LARGE1: variants seen among roughly 807,000 people sequenced by gnomAD.
LARGE1 encodes the protein xylosyl- and glucuronyltransferase LARGE1.
In LARGE1, 43 loss-of-function variants were observed where a neutral mutation model predicts 87.6. The observed-to-expected ratio is 0.49, with a 90% confidence interval of 0.38 to 0.63. LARGE1 has a LOEUF of 0.63. Ranked by LOEUF, LARGE1 falls within the 30% of genes least tolerant of loss-of-function variation. The pLI is 0.00. For missense variants in LARGE1, 802 were observed against 1,000.2 expected (o/e 0.80, Z 2.67); for synonymous variants, 434 against 394.6 (o/e 1.10, Z -1.18).
intron 9 of LARGE1, among the ~76,000 whole-genome samples, chr22:33,346,454 C>T (rs965944195): frequency 4.6e-5 from 7 of 152,220 alleles, no homozygotes; most frequent in South Asian, 4.2e-4. Flanking sequence ...AGGCATGCGC[C>T]GCCACGCCTG....
intron 1 of LARGE1, among the ~76,000 whole-genome samples, chr22:33,885,810 C>T (rs2064828052): frequency 6.6e-6 from 1 of 152,108 alleles, no homozygotes; most frequent in African/African-American, 2.4e-5. Context: ...GCAGGTGGAT[C>T]ACTTAAGGCC....
rs143275813 is a variant in LARGE1, at chr22:33,858,634, G to A, written c.-83+61361C>T. 6.8e-3 allele frequency among the ~76,000 whole-genome samples: 1,039 copies of A among 152,288 alleles called. 4 individuals carry two copies. The highest frequency in any genetic ancestry group is 0.043 in the South Asian group (205 of 4,822). On this transcript the variant is annotated intron_variant, in intron 1 of 14. Coordinates refer to ENST00000397394, the MANE Select transcript of LARGE1 (RefSeq NM_133642.5). The stretch of plus-strand genomic sequence containing the variant: ...GTGGATGCGGTCACCTTCCCAGCTA[G>A]GCTTAGGGATTCTTAGTTGGCCTAG...
At chr22:33,421,084 G>A (rs1036422375) in intron 7 of LARGE1, among the ~76,000 whole-genome samples, 10 of 152,156 alleles carry the variant, frequency 6.6e-5, no homozygotes, top group Non-Finnish European at 1.0e-4. Flanking sequence ...AGGTACTTGG[G>A]AGGCTGAGGT....
intron 5 of LARGE1, among the ~76,000 whole-genome samples, chr22:33,576,814 T>C (rs2078367226): frequency 6.6e-6 from 1 of 152,184 alleles, no homozygotes; most frequent in African/African-American, 2.4e-5. Flanking sequence ...GAGTGCTTAT[T>C]AATACCTAAT....
chr22:33,332,765 G>C (rs1465740381), intron 10 of LARGE1, among the ~76,000 whole-genome samples: 1 of 152,204 alleles, frequency 6.6e-6, no homozygotes, highest in African/African-American at 2.4e-5. Flanking sequence ...CTGTGGTTCA[G>C]GAGTGCAATG....
chr22:33,878,125 A>ATTTTTTTTT (rs1601836110), intron 1 of LARGE1, among the ~76,000 whole-genome samples: 4 of 51,236 alleles, frequency 7.8e-5, no homozygotes, highest in African/African-American at 1.4e-4. Flanking sequence ...TTTATATTGT[A>ATTTTTTTTT]TTTCTTTTTT....
intron 1 of LARGE1, among the ~76,000 whole-genome samples, chr22:33,796,228 TACATCCATAC>T (rs2085976435): frequency 6.6e-6 from 1 of 152,242 alleles, no homozygotes; most frequent in Non-Finnish European, 1.5e-5. Flanking sequence ...TACTCGGGTA[TACATCCATAC>T]ACATACATAC....
At chr22:33,676,372 C>CAAAAAAAAAAAAAAAAAAAAAA (rs10567981) in intron 2 of LARGE1, among the ~76,000 whole-genome samples, 2 of 16,304 alleles carry the variant, frequency 1.2e-4, no homozygotes, top group African/African-American at 1.5e-4. Flanking sequence ...GATTCAATGG[C>CAAAAAAAAAAAAAAAAAAAAAA]AAAAAAAAAA....
At chr22:33,765,447 T>C (rs1490023811) in intron 1 of LARGE1, among the ~76,000 whole-genome samples, 1 of 152,128 alleles carries the variant, frequency 6.6e-6, no homozygotes, top group Non-Finnish European at 1.5e-5. Flanking sequence ...CTCACACCTG[T>C]AATCCCAGCA....
chr22:33,440,503 C>T (rs2067427578), intron 6 of LARGE1, among the ~76,000 whole-genome samples: 1 of 152,194 alleles, frequency 6.6e-6, no homozygotes, highest in East Asian at 1.9e-4. Context: ...AGAGGCTGCC[C>T]TGACTGTCAG....
At chr22:33,324,169 C>A (rs898252793) in intron 10 of LARGE1, among the ~76,000 whole-genome samples, 43 of 121,084 alleles carry the variant, frequency 3.6e-4, no homozygotes, top group Middle Eastern at 7.1e-3. Flanking sequence ...GTGGAGGTTG[C>A]AGTAAGCTGA....
intron 2 of LARGE1, among the ~76,000 whole-genome samples, chr22:33,709,980 A>G (rs1425669078): frequency 1.5e-4 from 9 of 58,176 alleles, no homozygotes; most frequent in Admixed American, 8.7e-4. Context: ...TGCTAGGCAG[A>G]AAAAAAAAAA....
At position 33,432,282 on chromosome 22, in the gene LARGE1, A is replaced by G. The variant is rs764260251; in HGVS notation, c.788-17T>C. The G allele has an allele frequency of 7.5e-6, 12 of 1,593,240 alleles. No individual in the cohort carries two copies. In the Admixed American group the frequency reaches 2.0e-4, roughly 27 times the overall value. The stretch of plus-strand genomic sequence containing the variant: ...CTTGCTGACCTGTGAGGTACAGAGA[A>G]TACAAACATCTTAAAAGGAGAAGCC... On this transcript the variant is annotated splice_polypyrimidine_tract_variant and intron_variant, in intron 6 of 14. Transcript: ENST00000397394.
chr22:33,113,894 G>A, the LARGE1 span, among the ~76,000 whole-genome samples: 10 of 150,184 alleles, frequency 6.7e-5, no homozygotes, highest in African/African-American at 2.0e-4. Flanking sequence ...TTTTTGAGAC[G>A]GAGTCTCGCT....
At chr22:33,846,073 T>G (rs1054344155) in intron 1 of LARGE1, among the ~76,000 whole-genome samples, 8 of 152,178 alleles carry the variant, frequency 5.3e-5, no homozygotes, top group African/African-American at 1.9e-4. Flanking sequence ...CGTCTCTGTT[T>G]GTCATTTAAC....
intron 2 of LARGE1, among the ~76,000 whole-genome samples, chr22:33,761,057 C>T (rs989626936): frequency 1.3e-5 from 2 of 152,158 alleles, no homozygotes; most frequent in Non-Finnish European, 2.9e-5. Context: ...CATATGGCTC[C>T]ATGAATAGCT....
At chr22:33,397,462 T>C (rs1384043706) in intron 7 of LARGE1, among the ~76,000 whole-genome samples, 1 of 152,224 alleles carries the variant, frequency 6.6e-6, no homozygotes, top group East Asian at 1.9e-4. Flanking sequence ...ATTTCTGAGC[T>C]TTATATGCTT....
the LARGE1 span, among the ~76,000 whole-genome samples, chr22:33,097,674 T>C: frequency 6.6e-6 from 1 of 152,214 alleles, no homozygotes; most frequent in Non-Finnish European, 1.5e-5. Flanking sequence ...AAGAGACCTT[T>C]GTTATCCCAA....
intron 6 of LARGE1, among the ~76,000 whole-genome samples, chr22:33,551,324 G>A (rs2077516484): frequency 6.6e-6 from 1 of 152,146 alleles, no homozygotes; most frequent in Non-Finnish European, 1.5e-5. Flanking sequence ...GATAAGAGTG[G>A]ACATGAACCT....
Sources: allele counts gnomAD v4.1 joint callset (sites outside exome capture counted in the v4.1 genomes callset), GRCh38; gene constraint gnomAD v4.1.1; transcripts MANE v1.5; gene names NCBI Gene and HGNC (gene_info 2026-07-23, HGNC 2026-07-21).